Variants in SPATA31D1 observed in about 807,000 individuals in gnomAD.
SPATA31D1 encodes spermatogenesis-associated protein 31D1.
SPATA31D1 carries 6 observed loss-of-function variants against 13.2 expected under a neutral mutation model. The observed-to-expected ratio is 0.46, with a 90% CI of 0.25 to 0.90. The LOEUF is 0.90. SPATA31D1 is among the 40% of genes least tolerant of loss of function. The pLI is 0.18. For synonymous variants in SPATA31D1, 903 were observed against 718.8 expected, an observed-to-expected ratio of 1.26 and a Z score of -4.10; for missense variants, 2,445 against 1,884.7, an observed-to-expected ratio of 1.30 and a Z score of -5.50.
At chr9:81,990,566 T>C in intron 3 of SPATA31D1, 80 bp downstream of exon 3, 1 of 1,443,944 alleles carries the variant, frequency 6.9e-7, no homozygotes, top group Non-Finnish European at 9.4e-7. Flanking sequence ...CAGGGATTCC[T>C]TGTAGCCTGC....
Position 81,988,859 on chromosome 9 carries a change from C to G in SPATA31D1, c.41C>G (p.Thr14Arg), listed in dbSNP as rs1342873575. ...TGTTTTCTGAACAGCTATACTGAGA[C>G]AGGGCTGAGCCCTGACTCACATTGG... Reference protein sequence around the residue: ...ILCFLNSYTETGLSPDSHWLD... With the variant: ...ILCFLNSYTERGLSPDSHWLD... Residue 14 changes from threonine to arginine, a missense_variant, in exon 1 of 4, where the codon ACA becomes AGA. Transcript: ENST00000344803. 3 of 1,612,954 alleles carry G rather than the reference C, an allele frequency of 1.9e-6. No individual in the cohort carries two copies. The highest frequency in any genetic ancestry group is 2.5e-6 in the Non-Finnish European group (3 of 1,179,724).
rs1824919263 is a variant in SPATA31D1 at position 81,989,975 on chromosome 9, G to T, written c.232+152G>T. ...AGACAGGCTCATGGGAAAGCAATCAGACCTGAGACACTGCTCAGAGGCCCT... is the reference window on the plus strand; with the variant it reads ...AGACAGGCTCATGGGAAAGCAATCATACCTGAGACACTGCTCAGAGGCCCT... On this transcript the variant is annotated intron_variant, in intron 2 of 3. Coordinates refer to ENST00000344803, the MANE Select transcript of SPATA31D1 (RefSeq NM_001001670.3). 14 of 825,010 alleles carry T rather than the reference G, an allele frequency of 1.7e-5. No individual in the cohort carries two copies. In the South Asian group the frequency reaches 2.5e-4, roughly 15 times the overall value. The allele number at this position is 825,010 out of a possible 1,614,324, so 51.1% of individuals were successfully genotyped here.
Position 81,992,036 on chromosome 9 carries a change from A to G in SPATA31D1, c.1566A>G (p.Gln522=). 6.2e-7 allele frequency: 1 copy of G among 1,613,746 alleles called. No homozygotes were observed. The change falls in exon 4 of 4, where the codon CAA becomes CAG. Residue 522 remains glutamine, a synonymous_variant. Transcript: ENST00000344803. ...CTCTGCATCCTACTGTTCTTGTCCA[A>G]CGTGGCCATTCCTCCATGTTTGTAT... ...SESLHPTVLV[Q]RGHSSMFVFF... is the part of the protein sequence containing the mutation.
At chr9:81,990,221 T>C (rs1824923547) in intron 2 of SPATA31D1, 196 bp from the exon 3 acceptor site, 2 of 545,090 alleles carry the variant, frequency 3.7e-6, no homozygotes, top group East Asian at 2.9e-5. Flanking sequence ...GAGCATCACA[T>C]GGGGTAATGT....
In SPATA31D1 at chr9:81,991,065, A is replaced by C. The variant is rs1824948318; in HGVS notation, c.595A>C (p.Ile199Leu). Residue 199 changes from isoleucine to leucine, a missense_variant, in exon 4 of 4, where the codon ATT becomes CTT. Transcript: ENST00000344803. ...RPKASPPPPL[I>L]LSPDLITTLA... ...TAAGGCCTCTCCACCACCCCCCTTA[A>C]TTCTCTCACCTGACCTGATCACCAC... is the stretch of plus-strand genomic sequence containing the variant. The C allele has an allele frequency of 6.2e-7, 1 of 1,613,272 alleles. No individual in the cohort carries two copies. The highest frequency in any genetic ancestry group is 1.7e-4 in the Middle Eastern group (1 of 6,054).
upstream of SPATA31D1, among the ~76,000 whole-genome samples, chr9:81,987,956 A>G (rs553994634): frequency 6.6e-6 from 1 of 152,328 alleles, no homozygotes; most frequent in Non-Finnish European, 1.5e-5. Context: ...CCAACTCCCC[A>G]CAAATGTGCA....
rs756239513 is a variant in SPATA31D1 at position 81,993,362 on chromosome 9, T to C, written c.2892T>C (p.Arg964=). The C allele has an allele frequency of 6.2e-7, 1 of 1,613,964 alleles. No individual in the cohort carries two copies. Among genetic ancestry groups the C allele is most frequent in the Non-Finnish European group, 8.5e-7 (1 of 1,179,900 alleles). The part of the protein sequence containing the change: ...GDSKDGVSKS[R]SRSTFQGEKL... ...CCAAAGATGGGGTCTCTAAGTCCCG[T>C]AGTCGAAGCACTTTTCAAGGAGAAA... The change falls in exon 4 of 4, where the codon CGT becomes CGC. Residue 964 remains arginine, a synonymous_variant. Transcript: ENST00000344803.
rs765179506 is a variant in SPATA31D1 at position 81,992,037 on chromosome 9, C to G, written c.1567C>G (p.Arg523Gly). 1.2e-6 allele frequency: 2 copies of G among 1,613,674 alleles called. No homozygotes were observed. The highest frequency in any genetic ancestry group is 1.3e-5 in the African/African-American group (1 of 74,928). ...ESLHPTVLVQ[R>G]GHSSMFVFFN... ...TCTGCATCCTACTGTTCTTGTCCAA[C>G]GTGGCCATTCCTCCATGTTTGTATT... is the stretch of plus-strand genomic sequence containing the variant. Residue 523 changes from arginine to glycine, a missense_variant, in exon 4 of 4, where the codon CGT becomes GGT. By Grantham distance (125) the Arg-to-Gly change is moderately radical (BLOSUM62 -2). Coordinates refer to ENST00000344803, the MANE Select transcript of SPATA31D1 (RefSeq NM_001001670.3).
rs780561549 is a variant in SPATA31D1 at position 81,990,504 on chromosome 9, T to C, written c.302+18T>C. 1.3e-6 allele frequency: 2 copies of C among 1,588,406 alleles called. No homozygotes were observed. The highest frequency in any genetic ancestry group is 2.7e-5 in the African/African-American group (2 of 74,452). On this transcript the variant is annotated intron_variant, in intron 3 of 3. Coordinates refer to ENST00000344803, the MANE Select transcript of SPATA31D1 (RefSeq NM_001001670.3). ...CTGAAAAGGTGATTAATCTTTCCCT[T>C]TGTGTCCTGTTCCCACCCCACTCCT...
rs756065555 is a variant in SPATA31D1, at chr9:81,994,299, T to C, written c.3829T>C (p.Cys1277Arg). The C allele has an allele frequency of 4.3e-6, 7 of 1,614,000 alleles. No individual in the cohort carries two copies. The highest frequency in any genetic ancestry group is 5.1e-6 in the Non-Finnish European group (6 of 1,179,884). Residue 1277 changes from cysteine to arginine, a missense_variant, in exon 4 of 4, where the codon TGT (cysteine) becomes CGT (arginine). Cys to Arg is a radical substitution (Grantham distance 180). Transcript: ENST00000344803. The part of the protein sequence containing the change: ...AQKQEPRVPT[C>R]VLQKCQVTNF... ...GAAGCAGGAGCCCAGGGTCCCTACC[T>C]GTGTCTTACAGAAGTGTCAAGTTAC...
upstream of SPATA31D1, chr9:81,988,755 G>A: frequency 1.9e-6 from 3 of 1,610,774 alleles, no homozygotes; most frequent in East Asian, 4.5e-5. Context: ...GCAGGCCTGT[G>A]CTTATAGTTA....
At chr9:81,987,997 A>G (rs1824884640), upstream of SPATA31D1, among the ~76,000 whole-genome samples, 1 of 152,136 alleles carries the variant, frequency 6.6e-6, no homozygotes, top group South Asian at 2.1e-4. Context: ...GTTAAACAGA[A>G]CTGTGCATGC....
chr9:81,993,273 C>A lies in SPATA31D1; in HGVS notation c.2803C>A (p.Leu935Ile), dbSNP rs770070267. The A allele has an allele frequency of 6.2e-7, 1 of 1,613,976 alleles. No individual in the cohort carries two copies. The highest frequency in any genetic ancestry group is 2.2e-5 in the East Asian group (1 of 44,864). The change falls in exon 4 of 4, where the codon CTT becomes ATT. Residue 935 changes from leucine (L) to isoleucine (I), a missense_variant. Transcript: ENST00000344803. ...SIEIFKSKAD[L>I]STSFSHFDLP... Reference sequence around the variant, plus strand: ...AGAAATCTTCAAATCGAAAGCGGACCTTTCCACTTCCTTTTCCCATTTCGA... The same window carrying A: ...AGAAATCTTCAAATCGAAAGCGGACATTTCCACTTCCTTTTCCCATTTCGA...
chr9:81,995,127 G>C lies in SPATA31D1; in HGVS notation c.4657G>C (p.Asp1553His). Residue 1553 changes from aspartate to histidine, a missense_variant, in exon 4 of 4, where the codon GAT becomes CAT. Coordinates refer to ENST00000344803, the MANE Select transcript of SPATA31D1 (RefSeq NM_001001670.3). The stretch of plus-strand genomic sequence containing the variant: ...CAGTGCTAAAAGCCCTGTGTTTAGT[G>C]ATGTGCCTTTCCTAACTGGACAGAA... ...PTSAKSPVFS[D>H]VPFLTGQKML... The C allele has an allele frequency of 6.2e-7, 1 of 1,602,914 alleles. No individual in the cohort carries two copies.
At chr9:81,987,521 A>G (rs1824877554), upstream of SPATA31D1, among the ~76,000 whole-genome samples, 1 of 152,120 alleles carries the variant, frequency 6.6e-6, no homozygotes, top group Admixed American at 6.5e-5. Context: ...ATTTGCCTCA[A>G]CTTCTTCCTT....
At position 81,991,044 on chromosome 9, in the gene SPATA31D1, G is replaced by T; in HGVS notation, c.574G>T (p.Ala192Ser). The T allele has an allele frequency of 6.2e-7, 1 of 1,611,878 alleles. No individual in the cohort carries two copies. Among genetic ancestry groups the T allele is most frequent in the East Asian group, 2.2e-5 (1 of 44,844 alleles). The change falls in exon 4 of 4, where the codon GCC (alanine) becomes TCC (serine). Residue 192 changes from alanine (A) to serine (S), a missense_variant. Physicochemically the swap from Ala to Ser is moderately conservative, Grantham distance 99. Transcript: ENST00000344803. ...CCTAATACTGTCCCCTCGGCCTAAG[G>T]CCTCTCCACCACCCCCCTTAATTCT... ...EDLILSPRPK[A>S]SPPPPLILSP...
intron 3 of SPATA31D1, 27 bp from the exon 4 acceptor site, chr9:81,990,746 C>G (rs776783293): frequency 6.3e-7 from 1 of 1,579,002 alleles, no homozygotes; most frequent in South Asian, 1.2e-5. Flanking sequence ...AACAAATCTC[C>G]TTTCCTTGTT....
chr9:81,988,104 C>T (rs1999661), upstream of SPATA31D1, among the ~76,000 whole-genome samples: 2,298 of 152,324 alleles, frequency 0.015, 24 homozygotes, highest in Non-Finnish European at 0.025. Flanking sequence ...CCCATGAAAG[C>T]CAGCACAGGG....
rs1825014602 is a variant in SPATA31D1, at chr9:81,993,159, T to G, written c.2689T>G (p.Ser897Ala). ...TTCCCAGGAAATTTCCTTCCTTAGT[T>G]CCAACAAACAAAAGATGTTGGAAGC... ...DTSQEISFLS[S>A]NKQKMLEAHI... is the part of the protein sequence containing the mutation. The change falls in exon 4 of 4, where the codon TCC (serine) becomes GCC (alanine). Residue 897 changes from serine (S) to alanine (A), a missense_variant. Physicochemically the swap from Ser to Ala is moderately conservative, Grantham distance 99. Transcript: ENST00000344803. 1 of 1,613,818 alleles carries G rather than the reference T, an allele frequency of 6.2e-7. No homozygotes were observed. The highest frequency in any genetic ancestry group is 1.3e-5 in the African/African-American group (1 of 74,906).
Sources: gnomAD v4.1 joint callset for allele counts (sites outside exome capture counted in the v4.1 genomes callset) on GRCh38, gnomAD v4.1.1 for gene constraint, MANE v1.5 for transcripts, NCBI Gene and HGNC (gene_info 2026-07-23, HGNC 2026-07-21) for gene names.